MEIS1: variants seen among roughly 807,000 people sequenced by gnomAD.
The protein encoded by MEIS1 is Meis homeobox 1, also known as homeobox protein Meis1.
Under a neutral mutation model 50.8 loss-of-function variants are expected in MEIS1, and 5 were observed. The ratio of observed to expected loss-of-function variants is 0.10; its 90% CI spans 0.05 to 0.21. The LOEUF is 0.21. Among genes scored for constraint, MEIS1 ranks in the 10% least tolerant of loss-of-function variants. The pLI is 1.00. For missense variants in MEIS1, 318 were observed against 517.3 expected, an observed-to-expected ratio of 0.61 and a Z score of 3.74; for synonymous variants, 176 against 179.3, an observed-to-expected ratio of 0.98 and a Z score of 0.15.
At chr2:66,460,860 A>G (rs1414626482) in intron 6 of MEIS1, among the ~76,000 whole-genome samples, 1 of 152,148 alleles carries the variant, frequency 6.6e-6, no homozygotes, top group Non-Finnish European at 1.5e-5. Context: ...ATCTGATAAA[A>G]AGTTTTGAAC....
chr2:66,481,966 T>C (rs1314499845), intron 7 of MEIS1, among the ~76,000 whole-genome samples: 1 of 150,002 alleles, frequency 6.7e-6, no homozygotes, highest in Non-Finnish European at 1.5e-5. Flanking sequence ...GTGATTCTCC[T>C]GCCTCAGCCT....
rs767689616 is a variant in MEIS1 at position 66,464,176 on chromosome 2, G to C, written c.698G>C (p.Ser233Thr). ...TCAGGAGGAACCCCAGGCCCTTCCA[G>C]CGGTGGCCACACGTCACACAGTGGG... Reference protein sequence around the residue: ...TRSGGTPGPSSGGHTSHSGDN... With the variant: ...TRSGGTPGPSTGGHTSHSGDN... The change falls in exon 7 of 13, where the codon AGC becomes ACC. Residue 233 changes from serine to threonine, a missense_variant. Ser to Thr is a moderately conservative substitution (Grantham distance 58). Transcript: ENST00000272369. The C allele has an allele frequency of 1.2e-6, 2 of 1,605,700 alleles. No individual in the cohort carries two copies. Among genetic ancestry groups the C allele is most frequent in the South Asian group, 2.3e-5 (2 of 88,826 alleles).
At chr2:66,506,235 G>T (rs920575203) in intron 7 of MEIS1, among the ~76,000 whole-genome samples, 3 of 152,174 alleles carry the variant, frequency 2.0e-5, no homozygotes, top group Non-Finnish European at 4.4e-5. Flanking sequence ...TCACCTGGTT[G>T]GTGGGTGGGA....
At chr2:66,493,735 C>T (rs1349464969) in intron 7 of MEIS1, among the ~76,000 whole-genome samples, 2 of 152,108 alleles carry the variant, frequency 1.3e-5, no homozygotes, top group African/African-American at 2.4e-5. Flanking sequence ...TTATGACTCC[C>T]CTATAAGTAA....
intron 7 of MEIS1, among the ~76,000 whole-genome samples, chr2:66,491,777 GT>G (rs1296798295): frequency 6.6e-6 from 1 of 152,142 alleles, no homozygotes; most frequent in Non-Finnish European, 1.5e-5. Context: ...CATTCACAGA[GT>G]GTGTGGGGCT....
At chr2:66,466,468 TTGC>T (rs1573149971) in intron 7 of MEIS1, among the ~76,000 whole-genome samples, 1 of 152,360 alleles carries the variant, frequency 6.6e-6, no homozygotes, top group African/African-American at 2.4e-5. Context: ...CCTGAAAGTG[TTGC>T]TGCAACAACT....
intron 9 of MEIS1, among the ~76,000 whole-genome samples, chr2:66,548,741 A>T (rs1674850632): frequency 6.6e-6 from 1 of 152,194 alleles, no homozygotes; most frequent in South Asian, 2.1e-4. Context: ...ACCCAGGACT[A>T]GTGTCATATT....
intron 8 of MEIS1, among the ~76,000 whole-genome samples, chr2:66,531,264 C>T (rs1016276520): frequency 6.6e-6 from 1 of 152,120 alleles, no homozygotes; most frequent in African/African-American, 2.4e-5. Flanking sequence ...AAATGATATA[C>T]AATTGGCTTC....
chr2:66,482,917 T>C (rs1031641329), intron 7 of MEIS1, among the ~76,000 whole-genome samples: 3 of 152,224 alleles, frequency 2.0e-5, no homozygotes, highest in East Asian at 1.9e-4. Context: ...TCTCTACTCA[T>C]GGAGAACAGG....
chr2:66,479,807 C>G (rs568623445), intron 7 of MEIS1, among the ~76,000 whole-genome samples: 134 of 152,214 alleles, frequency 8.8e-4, no homozygotes, highest in African/African-American at 3.2e-3. Flanking sequence ...CAAGAAGCCC[C>G]GGGCCATGAA....
chr2:66,442,760 T>C (rs1672026941), intron 5 of MEIS1, 142 bp from the exon 6 acceptor site: 2 of 716,262 alleles, frequency 2.8e-6, no homozygotes, highest in African/African-American at 3.7e-5. Flanking sequence ...TCTGGATGCG[T>C]CTGGGGGTCT....
chr2:66,556,697 T>C (rs991662198), intron 9 of MEIS1, among the ~76,000 whole-genome samples: 3 of 152,104 alleles, frequency 2.0e-5, no homozygotes, highest in Non-Finnish European at 4.4e-5. Flanking sequence ...TCTGCAGTGG[T>C]TGACTTTGTT....
At position 66,442,968 on chromosome 2, in the gene MEIS1, G is replaced by A. The variant is rs760299731; in HGVS notation, c.550G>A (p.Asp184Asn). 1.9e-6 allele frequency: 3 copies of A among 1,603,710 alleles called. No individual in the cohort carries two copies. Among genetic ancestry groups the A allele is most frequent in the Non-Finnish European group, 2.5e-6 (3 of 1,176,630 alleles). Reference sequence around the variant, plus strand: ...CTGTTTGAAAGGGAAAATGCCTATCGATTTGGTGATAGACGATAGAGAAGG... The same window carrying A: ...CTGTTTGAAAGGGAAAATGCCTATCAATTTGGTGATAGACGATAGAGAAGG... Reference protein sequence around the residue: ...ISCLKGKMPIDLVIDDREGGS... With the variant: ...ISCLKGKMPINLVIDDREGGS... Residue 184 changes from aspartate (D) to asparagine (N), a missense_variant, in exon 6 of 13, where the codon GAT becomes AAT. Asp to Asn is a conservative substitution (Grantham distance 23). Coordinates refer to ENST00000272369, the MANE Select transcript of MEIS1 (RefSeq NM_002398.3).
chr2:66,519,396 C>T (rs1674055777), intron 8 of MEIS1, among the ~76,000 whole-genome samples: 1 of 152,088 alleles, frequency 6.6e-6, no homozygotes, highest in Non-Finnish European at 1.5e-5. Context: ...TTCAGTATTG[C>T]TCACCCTTCC....
intron 7 of MEIS1, among the ~76,000 whole-genome samples, chr2:66,490,373 A>G (rs1673242555): frequency 6.6e-6 from 1 of 152,242 alleles, no homozygotes; most frequent in Non-Finnish European, 1.5e-5. Context: ...AGGTCAAACA[A>G]ACCCCCAACT....
chr2:66,439,633 T>A, intron 2 of MEIS1: 1 of 1,537,634 alleles, frequency 6.5e-7, no homozygotes, highest in Non-Finnish European at 8.7e-7. Context: ...CGTCCATGGC[T>A]CAGGGCCTCC....
At chr2:66,566,025 G>T (rs1163089169) in intron 9 of MEIS1, among the ~76,000 whole-genome samples, 1 of 152,020 alleles carries the variant, frequency 6.6e-6, no homozygotes, top group Non-Finnish European at 1.5e-5. Flanking sequence ...AGTTTTCATG[G>T]TTTATACAAG....
intron 8 of MEIS1, among the ~76,000 whole-genome samples, chr2:66,514,750 C>A (rs1673921963): frequency 6.6e-6 from 1 of 152,146 alleles, no homozygotes; most frequent in Non-Finnish European, 1.5e-5. Context: ...AATTTTTCAT[C>A]TTTTCCTTCC....
chr2:66,568,966 G>A, intron 11 of MEIS1, 84 bp from the exon 12 acceptor site: 1 of 1,143,402 alleles, frequency 8.7e-7, no homozygotes, highest in Non-Finnish European at 1.3e-6. Flanking sequence ...TCTAGATCCT[G>A]TTTTTTTTTT....
Sources: gnomAD v4.1 joint callset for allele counts (sites outside exome capture counted in the v4.1 genomes callset) on GRCh38, gnomAD v4.1.1 for gene constraint, MANE v1.5 for transcripts, NCBI Gene and HGNC (gene_info 2026-07-23, HGNC 2026-07-21) for gene names.